Variants in RBKS observed in about 807,000 individuals in gnomAD.
RBKS encodes the protein ribokinase.
RBKS carries 33 observed loss-of-function variants against 33.9 expected under a neutral mutation model. The ratio of observed to expected loss-of-function variants is 0.97; its 90% CI spans 0.74 to 1.30. The LOEUF (loss-of-function observed/expected upper bound fraction) is 1.30, where lower values mean the gene tolerates loss of function less well. Among genes scored for constraint, RBKS ranks in the 50% most tolerant of loss-of-function variants. The pLI, the probability that RBKS is intolerant of heterozygous loss-of-function variation, is 0.00. For missense variants in RBKS, 361 were observed against 392.6 expected, an observed-to-expected ratio of 0.92 and a Z score of 0.68; for synonymous variants, 125 against 143.0, an observed-to-expected ratio of 0.87 and a Z score of 0.90.
At chr2:27,830,225 T>A (rs557242575) in intron 6 of RBKS, among the ~76,000 whole-genome samples, 1 of 152,306 alleles carries the variant, frequency 6.6e-6, no homozygotes, top group Admixed American at 6.5e-5. Flanking sequence ...AGCATGAATT[T>A]ACATTATTGC....
Position 27,841,729 on chromosome 2 carries a change from A to AACACACACACACACACACAC in RBKS, c.514+1318_514+1337dup, listed in dbSNP as rs35205983. Reference sequence around the variant, plus strand: ...CACTTTGGGAGAAATCACTTATATAAACACACACACACACACACACACACA... The same window carrying AACACACACACACACACACAC: ...CACTTTGGGAGAAATCACTTATATAAACACACACACACACACACACACACACACACACACACACACACACA... On this transcript the variant is annotated intron_variant, in intron 5 of 7. Transcript: ENST00000302188. Among the ~76,000 whole-genome samples the AACACACACACACACACACAC allele has an allele frequency of 9.0e-3, 1,287 of 142,230 alleles. 12 individuals are homozygous for AACACACACACACACACACAC. The highest frequency in any genetic ancestry group is 0.014 in the East Asian group (68 of 4,796). The allele number at this position is 142,230 out of a possible 152,430, so 93.3% of individuals were successfully genotyped here.
At chr2:27,793,425 G>C (rs544981943) in intron 7 of RBKS, among the ~76,000 whole-genome samples, 243 of 152,286 alleles carry the variant, frequency 1.6e-3, no homozygotes, top group African/African-American at 5.6e-3. Flanking sequence ...GTGACCAACA[G>C]TAGCATCACC....
At chr2:27,889,051 C>T (rs1417652915) in intron 1 of RBKS, among the ~76,000 whole-genome samples, 2 of 152,202 alleles carry the variant, frequency 1.3e-5, no homozygotes, top group Non-Finnish European at 2.9e-5. Context: ...GTTGCTTCTT[C>T]TCGTTACACA....
chr2:27,790,142 T>A (rs1677495252), intron 7 of RBKS, among the ~76,000 whole-genome samples: 1 of 151,718 alleles, frequency 6.6e-6, no homozygotes, highest in Admixed American at 6.6e-5. Context: ...ACCTGGCCCA[T>A]GATTTTGAAG....
rs370299132 is a variant in RBKS, at chr2:27,852,788, T to C, written c.223-4691A>G. On this transcript the variant is annotated intron_variant, in intron 2 of 7. Coordinates refer to ENST00000302188, the MANE Select transcript of RBKS (RefSeq NM_022128.3). ...TCAAAGCATTAGAATACAGAAAATA[T>C]GTTTAACACTAAAACTAAGATGAAT... is the stretch of plus-strand genomic sequence containing the variant. Among the ~76,000 whole-genome samples, 66 of 152,376 alleles carry C rather than the reference T, an allele frequency of 4.3e-4. 1 individual carries two copies. Among genetic ancestry groups the C allele is most frequent in the African/African-American group, 1.6e-3 (65 of 41,590 alleles).
chr2:27,874,375 G>C (rs1010541275), intron 1 of RBKS, among the ~76,000 whole-genome samples: 7 of 152,164 alleles, frequency 4.6e-5, no homozygotes, highest in Non-Finnish European at 8.8e-5. Flanking sequence ...TTACAGCTTA[G>C]TTTTAACATT....
intron 6 of RBKS, among the ~76,000 whole-genome samples, chr2:27,832,294 AG>A (rs1678432543): frequency 6.6e-6 from 1 of 152,216 alleles, no homozygotes; most frequent in East Asian, 1.9e-4. Context: ...TAAATTTGTT[AG>A]GTATGTTATT....
At chr2:27,789,991 A>ATATAT in intron 7 of RBKS, among the ~76,000 whole-genome samples, 13 of 131,962 alleles carry the variant, frequency 9.9e-5, no homozygotes, top group African/African-American at 2.8e-4. Context: ...ATATGTAGAG[A>ATATAT]GAGAGAGAGA....
chr2:27,861,158 G>A (rs768111700), intron 1 of RBKS, among the ~76,000 whole-genome samples: 41 of 152,086 alleles, frequency 2.7e-4, no homozygotes, highest in Admixed American at 2.6e-4. Context: ...GGTAGAGAGG[G>A]GGTTTCATCA....
chr2:27,860,378 C>A (rs948067213), intron 1 of RBKS, among the ~76,000 whole-genome samples: 2 of 152,136 alleles, frequency 1.3e-5, no homozygotes, highest in African/African-American at 4.8e-5. Flanking sequence ...GATGCTGCTA[C>A]AAACAACACT....
chr2:27,848,047 A>G lies in RBKS; in HGVS notation c.273T>C (p.Asn91=). Residue 91 remains asparagine (N), a synonymous_variant, in exon 3 of 8, where the codon AAT becomes AAC. Coordinates refer to ENST00000302188, the MANE Select transcript of RBKS (RefSeq NM_022128.3). ...GNDYIENLKQ[N]DISTEFTYQT... Reference sequence around the variant, plus strand: ...TGGGAATTTTACCTGTAGAAATATCATTCTGTTTTAAGTTTTCTATATAAT... The same window carrying G: ...TGGGAATTTTACCTGTAGAAATATCGTTCTGTTTTAAGTTTTCTATATAAT... 2.0e-6 allele frequency: 3 copies of G among 1,490,480 alleles called. No individual in the cohort carries two copies. Among genetic ancestry groups the G allele is most frequent in the Non-Finnish European group, 2.8e-6 (3 of 1,079,056 alleles). The allele number at this position is 1,490,480 out of a possible 1,614,324, so 92.3% of individuals were successfully genotyped here.
At chr2:27,854,666 G>C (rs545889465) in intron 2 of RBKS, among the ~76,000 whole-genome samples, 12 of 151,790 alleles carry the variant, frequency 7.9e-5, no homozygotes, top group African/African-American at 2.2e-4. Context: ...TGTAAATATA[G>C]TTGCTAACAG....
At chr2:27,873,924 T>C (rs1186746124) in intron 1 of RBKS, among the ~76,000 whole-genome samples, 2 of 151,988 alleles carry the variant, frequency 1.3e-5, no homozygotes, top group Admixed American at 6.6e-5. Context: ...ATCAACCATA[T>C]ACAAACAGAG....
At chr2:27,824,302 A>G (rs1678273236) in intron 7 of RBKS, among the ~76,000 whole-genome samples, 1 of 152,194 alleles carries the variant, frequency 6.6e-6, no homozygotes, top group Admixed American at 6.5e-5. Context: ...ATGTTGTACA[A>G]TCACCGACCT....
intron 7 of RBKS, among the ~76,000 whole-genome samples, chr2:27,798,135 T>C (rs1016898411): frequency 1.3e-5 from 2 of 151,570 alleles, no homozygotes; most frequent in Non-Finnish European, 2.9e-5. Flanking sequence ...GAGAGAAAAA[T>C]GGTCATGTAG....
intron 2 of RBKS, among the ~76,000 whole-genome samples, chr2:27,849,662 C>A (rs1663699502): frequency 1.3e-5 from 2 of 148,768 alleles, no homozygotes; most frequent in Admixed American, 6.7e-5. Flanking sequence ...AACCACTGAA[C>A]TATAATTTAA....
chr2:27,867,195 T>C (rs1664119482), intron 1 of RBKS, among the ~76,000 whole-genome samples: 1 of 152,186 alleles, frequency 6.6e-6, no homozygotes, highest in Admixed American at 6.5e-5. Flanking sequence ...CTCTTGGTTA[T>C]AGATCACATT....
At chr2:27,854,172 A>T (rs1663804651) in intron 2 of RBKS, among the ~76,000 whole-genome samples, 1 of 152,266 alleles carries the variant, frequency 6.6e-6, no homozygotes, top group Non-Finnish European at 1.5e-5. Flanking sequence ...AGATGAAAAC[A>T]AAAAAGAGTC....
Position 27,888,900 on chromosome 2 carries a change from C to T in RBKS, c.89+1357G>A, listed in dbSNP as rs140633178. Among the ~76,000 whole-genome samples the T allele has an allele frequency of 6.1e-3, 931 of 152,318 alleles. 4 individuals carry two copies. Among genetic ancestry groups the T allele is most frequent in the Non-Finnish European group, 9.9e-3 (676 of 68,028 alleles). On this transcript the variant is annotated intron_variant, in intron 1 of 7. Coordinates refer to ENST00000302188, the MANE Select transcript of RBKS (RefSeq NM_022128.3). ...CTTGCTCTAGAAAAAGATGTACAGG[C>T]CTCTTCAACAAATGTCTCCAACTAG...
Sources: gnomAD v4.1 joint callset for allele counts (sites outside exome capture counted in the v4.1 genomes callset) on GRCh38, gnomAD v4.1.1 for gene constraint, MANE v1.5 for transcripts, NCBI Gene and HGNC (gene_info 2026-07-23, HGNC 2026-07-21) for gene names.